Variants in MSI2 observed in about 807,000 individuals in gnomAD.
The protein encoded by MSI2 is RNA-binding protein Musashi homolog 2.
MSI2 carries 17 observed loss-of-function variants against 45.6 expected under a neutral mutation model. The ratio of observed to expected loss-of-function variants is 0.37; its 90% CI spans 0.26 to 0.56. The LOEUF (loss-of-function observed/expected upper bound fraction) is 0.56, where lower values mean the gene tolerates loss of function less well. Ranked by LOEUF, MSI2 falls within the 20% of genes least tolerant of loss-of-function variation. The pLI is 0.77. For missense variants in MSI2, 293 were observed against 444.2 expected (o/e 0.66, Z 3.06); for synonymous variants, 156 against 158.2 (o/e 0.99, Z 0.11).
rs2083871000 is a variant in MSI2, at chr17:57,395,432, G to A, written c.313-5947G>A. 2.0e-5 allele frequency among the ~76,000 whole-genome samples: 3 copies of A among 152,272 alleles called. No individual in the cohort carries two copies. The South Asian group carries it at 6.2e-4, about 32-fold the overall frequency. ...TTGCAAGCTAAGTAAGTTTGCCACT[G>A]GATTCAGATGTGATGGTGATAGTAG... On this transcript the variant is annotated intron_variant, in intron 5 of 13. Transcript: ENST00000284073.
chr17:57,425,711 C>T (rs910215843), intron 6 of MSI2, among the ~76,000 whole-genome samples: 2 of 152,204 alleles, frequency 1.3e-5, no homozygotes, highest in Non-Finnish European at 2.9e-5. Flanking sequence ...GCAGGACCGC[C>T]CTTGTGCATG....
At chr17:57,592,029 G>A (rs574481212) in intron 7 of MSI2, among the ~76,000 whole-genome samples, 1 of 151,672 alleles carries the variant, frequency 6.6e-6, no homozygotes, top group Non-Finnish European at 1.5e-5. Context: ...AAAATTAGCC[G>A]GGTGCGGTGG....
the MSI2 span, among the ~76,000 whole-genome samples, chr17:57,700,138 A>C: frequency 6.6e-6 from 1 of 152,178 alleles, no homozygotes; most frequent in Non-Finnish European, 1.5e-5. Flanking sequence ...ATTTGGCTGG[A>C]TGGGACTCTG....
chr17:57,622,178 CA>C (rs1373873724), intron 9 of MSI2, among the ~76,000 whole-genome samples: 1 of 152,246 alleles, frequency 6.6e-6, no homozygotes, highest in Non-Finnish European at 1.5e-5. Context: ...GCCTGGGTGA[CA>C]GTGCAAGATT....
At chr17:57,571,999 A>G (rs2087890834) in intron 7 of MSI2, among the ~76,000 whole-genome samples, 1 of 152,148 alleles carries the variant, frequency 6.6e-6, no homozygotes, top group South Asian at 2.1e-4. Flanking sequence ...TCATTAGGCC[A>G]ACTAATTGTT....
At chr17:57,589,482 A>G (rs975144436) in intron 7 of MSI2, among the ~76,000 whole-genome samples, 2 of 152,190 alleles carry the variant, frequency 1.3e-5, no homozygotes, top group African/African-American at 2.4e-5. Context: ...GGGTTGCAGG[A>G]CAGCTGACTT....
intron 11 of MSI2, among the ~76,000 whole-genome samples, chr17:57,672,973 A>G (rs8080799): frequency 0.06 from 9,074 of 152,194 alleles, 612 homozygotes; most frequent in African/African-American, 0.17. Flanking sequence ...CTAAGCCTCT[A>G]TAATTTATTT....
chr17:57,281,083 C>T (rs1909376998), intron 5 of MSI2, among the ~76,000 whole-genome samples: 1 of 152,006 alleles, frequency 6.6e-6, no homozygotes, highest in Non-Finnish European at 1.5e-5. Flanking sequence ...AATTGCTATC[C>T]CCCGAGAAGT....
chr17:57,477,268 A>G (rs1314453070), intron 6 of MSI2, among the ~76,000 whole-genome samples: 5 of 151,480 alleles, frequency 3.3e-5, no homozygotes, highest in Non-Finnish European at 7.4e-5. Flanking sequence ...GGTGGGCCCC[A>G]CCGAAGGAAT....
chr17:57,575,773 G>A (rs1237164349), intron 7 of MSI2, among the ~76,000 whole-genome samples: 2 of 151,818 alleles, frequency 1.3e-5, no homozygotes, highest in African/African-American at 2.4e-5. Flanking sequence ...GTGAAACCCC[G>A]CCTCTATTAA....
intron 7 of MSI2, among the ~76,000 whole-genome samples, chr17:57,595,211 A>G (rs183476809): frequency 6.6e-6 from 1 of 152,296 alleles, no homozygotes; most frequent in Admixed American, 6.5e-5. Flanking sequence ...GGGACCCAAA[A>G]TAGACACAGA....
At chr17:57,323,026 A>C (rs1053736200) in intron 5 of MSI2, among the ~76,000 whole-genome samples, 1 of 150,940 alleles carries the variant, frequency 6.6e-6, no homozygotes, top group African/African-American at 2.4e-5. Context: ...GTGGGGGGAG[A>C]GGGACTGTGT....
chr17:57,415,064 G>C (rs2084268563), intron 6 of MSI2, among the ~76,000 whole-genome samples: 1 of 152,186 alleles, frequency 6.6e-6, no homozygotes, highest in Non-Finnish European at 1.5e-5. Flanking sequence ...GGGTAGGTCA[G>C]TGACTTTGAA....
At chr17:57,363,454 T>C (rs1182926295) in intron 5 of MSI2, among the ~76,000 whole-genome samples, 2 of 152,148 alleles carry the variant, frequency 1.3e-5, no homozygotes, top group East Asian at 3.8e-4. Flanking sequence ...AAAAACATAA[T>C]AGGCTGGGCA....
chr17:57,314,764 G>C (rs1295176524), intron 5 of MSI2, among the ~76,000 whole-genome samples: 2 of 151,998 alleles, frequency 1.3e-5, no homozygotes, highest in Non-Finnish European at 2.9e-5. Context: ...TAAAAACGGG[G>C]TTTCGCTATG....
At chr17:57,537,271 G>T (rs1040000698) in intron 7 of MSI2, among the ~76,000 whole-genome samples, 12 of 152,086 alleles carry the variant, frequency 7.9e-5, no homozygotes, top group African/African-American at 2.9e-4. Flanking sequence ...TGGGCATGCT[G>T]CGTGCCCACC....
At chr17:57,275,895 A>C (rs1457394580) in intron 5 of MSI2, among the ~76,000 whole-genome samples, 1 of 152,214 alleles carries the variant, frequency 6.6e-6, no homozygotes, top group Non-Finnish European at 1.5e-5. Flanking sequence ...TAAGTGTTTG[A>C]GTTTGGAGTG....
At chr17:57,398,761 A>G (rs1036554249) in intron 5 of MSI2, among the ~76,000 whole-genome samples, 1 of 152,244 alleles carries the variant, frequency 6.6e-6, no homozygotes, top group Non-Finnish European at 1.5e-5. Context: ...AGTGGATTAC[A>G]TTCCACATTC....
In MSI2 at chr17:57,343,757, C is replaced by T. The variant is rs533658914; in HGVS notation, c.313-57622C>T. On this transcript the variant is annotated intron_variant, in intron 5 of 13. Coordinates refer to ENST00000284073, the MANE Select transcript of MSI2 (RefSeq NM_138962.4). ...GTTTTTTTGATGACTCTTTCGTCTG[C>T]TTTAACCTGGAATATTTCCCTAGCC... 2.6e-5 allele frequency among the ~76,000 whole-genome samples: 4 copies of T among 152,294 alleles called. No homozygotes were observed. In the East Asian group the frequency reaches 7.7e-4, roughly 29 times the overall value.
Sources: allele counts gnomAD v4.1 joint callset (sites outside exome capture counted in the v4.1 genomes callset), GRCh38; gene constraint gnomAD v4.1.1; transcripts MANE v1.5; gene names NCBI Gene and HGNC (gene_info 2026-07-23, HGNC 2026-07-21).